The following ANO6 variants were observed in gnomAD, a reference collection of about 807,000 sequenced individuals.
ANO6 encodes anoctamin 6.
A neutral mutation model predicts 117.5 loss-of-function variants in ANO6; 106 were observed. The observed-to-expected ratio is 0.90, with a 90% CI of 0.77 to 1.06. The LOEUF (loss-of-function observed/expected upper bound fraction) is 1.06. Ranked by LOEUF, ANO6 falls within the 50% of genes least tolerant of loss-of-function variation. The probability of loss-of-function intolerance (pLI) is 0.00; values close to 1 mark genes in which losing one functional copy is unlikely to be tolerated. For synonymous variants in ANO6, 367 were observed against 385.1 expected (o/e 0.95, Z 0.55); for missense variants, 955 against 1,121.1 (o/e 0.85, Z 2.12).
intron 1 of ANO6, among the ~76,000 whole-genome samples, chr12:45,301,807 C>T (rs180856398): frequency 1.9e-4 from 29 of 152,300 alleles, no homozygotes; most frequent in Admixed American, 5.9e-4. Context: ...TAGTGTTCTA[C>T]AACCCTGGCA....
chr12:45,360,843 G>GTT (rs1375283828), intron 8 of ANO6, among the ~76,000 whole-genome samples: 1 of 152,120 alleles, frequency 6.6e-6, no homozygotes, highest in Non-Finnish European at 1.5e-5. Context: ...TGAAAAGACT[G>GTT]TTCTCTGTTT....
chr12:45,425,612 C>A (rs1943482625), intron 19 of ANO6, among the ~76,000 whole-genome samples: 1 of 152,142 alleles, frequency 6.6e-6, no homozygotes, highest in African/African-American at 2.4e-5. Context: ...TAGCTATAAA[C>A]CTTAAATTAC....
chr12:45,323,151 T>C (rs1233845023), intron 2 of ANO6, among the ~76,000 whole-genome samples: 1 of 152,176 alleles, frequency 6.6e-6, no homozygotes, highest in African/African-American at 2.4e-5. Context: ...AAGGGGAGAA[T>C]ACAATTTAAT....
chr12:45,388,466 G>A (rs1344886991), intron 11 of ANO6, among the ~76,000 whole-genome samples, 163 bp downstream of exon 11: 2 of 152,110 alleles, frequency 1.3e-5, no homozygotes, highest in African/African-American at 4.8e-5. Flanking sequence ...TCTGAGCACA[G>A]GGGTTTTTTT....
intron 1 of ANO6, among the ~76,000 whole-genome samples, chr12:45,236,068 A>G (rs75712006): frequency 0.022 from 3,331 of 152,332 alleles, 65 homozygotes; most frequent in East Asian, 0.068. Context: ...TTACAGGTGC[A>G]TGCATAGGCA....
At chr12:45,354,130 G>T (rs1418121735) in intron 7 of ANO6, among the ~76,000 whole-genome samples, 1 of 152,166 alleles carries the variant, frequency 6.6e-6, no homozygotes, top group Non-Finnish European at 1.5e-5. Context: ...GGTGGAAAGA[G>T]CCTGCTGAGT....
intron 1 of ANO6, among the ~76,000 whole-genome samples, chr12:45,228,462 A>G (rs1341081440): frequency 6.6e-6 from 1 of 152,022 alleles, no homozygotes; most frequent in Non-Finnish European, 1.5e-5. Context: ...TAAAGTATGC[A>G]TGCTCCTTTG....
chr12:45,261,957 G>A (rs58992779), intron 1 of ANO6, among the ~76,000 whole-genome samples: 1,591 of 152,306 alleles, frequency 0.01, 31 homozygotes, highest in African/African-American at 0.036. Context: ...CAAATGATAT[G>A]CAGTATACAA....
intron 1 of ANO6, 127 bp from the exon 2 acceptor site, chr12:45,301,887 T>G: frequency 1.3e-6 from 1 of 782,518 alleles, no homozygotes; most frequent in Non-Finnish European, 2.2e-6. Flanking sequence ...CTGAAAGGGT[T>G]AAATAATATA....
intron 1 of ANO6, among the ~76,000 whole-genome samples, chr12:45,280,833 A>C (rs930441396): frequency 1.4e-4 from 21 of 152,084 alleles, no homozygotes; most frequent in African/African-American, 5.1e-4. Context: ...ATGCATATAC[A>C]TTGTGTGCAT....
chr12:45,291,221 C>T (rs1441975175), intron 1 of ANO6, among the ~76,000 whole-genome samples: 1 of 151,844 alleles, frequency 6.6e-6, no homozygotes, highest in Admixed American at 6.6e-5. Context: ...TGGTGCATGC[C>T]TGTAATCCCA....
intron 1 of ANO6, among the ~76,000 whole-genome samples, chr12:45,284,634 C>T (rs1403636409): frequency 6.6e-6 from 1 of 152,234 alleles, no homozygotes; most frequent in Non-Finnish European, 1.5e-5. Flanking sequence ...TTGCAGGCAT[C>T]TGTTCTCCCC....
chr12:45,294,850 A>G (rs553821653), intron 1 of ANO6, among the ~76,000 whole-genome samples: 46 of 152,342 alleles, frequency 3.0e-4, no homozygotes, highest in Admixed American at 1.2e-3. Flanking sequence ...GTCAAGATAG[A>G]AGTCAGAAGG....
chr12:45,306,785 C>T (rs1300997654), intron 2 of ANO6, among the ~76,000 whole-genome samples: 3 of 150,316 alleles, frequency 2.0e-5, no homozygotes, highest in Non-Finnish European at 2.9e-5. Context: ...AAAACACAAA[C>T]GTCAGATAAT....
chr12:45,432,334 T>G lies in ANO6; in HGVS notation c.*3023T>G. 2 of 856,194 alleles carry G rather than the reference T, an allele frequency of 2.3e-6. No individual in the cohort carries two copies. Among genetic ancestry groups the G allele is most frequent in the Non-Finnish European group, 2.8e-6 (2 of 713,450 alleles). The allele number at this position is 856,194 out of a possible 1,614,324, so 53.0% of individuals were successfully genotyped here. On this transcript the variant is annotated 3_prime_UTR_variant, in exon 20 of 20. Coordinates refer to ENST00000320560, the MANE Select transcript of ANO6 (RefSeq NM_001025356.3). ...TATAATTATGAGCATTTTAATAAATTCATTTTTACAAACAATAGTATGGTC... is the reference window on the plus strand; with the variant it reads ...TATAATTATGAGCATTTTAATAAATGCATTTTTACAAACAATAGTATGGTC...
intron 2 of ANO6, among the ~76,000 whole-genome samples, chr12:45,330,352 A>C (rs1306067340): frequency 6.6e-6 from 1 of 152,192 alleles, no homozygotes; most frequent in African/African-American, 2.4e-5. Context: ...AATTAATCAC[A>C]TTTAATGAAC....
chr12:45,274,663 T>C (rs1040332418), intron 1 of ANO6, among the ~76,000 whole-genome samples: 13 of 151,676 alleles, frequency 8.6e-5, no homozygotes, highest in Admixed American at 2.0e-4. Flanking sequence ...CAGTATAAAA[T>C]TCAAACTCTT....
At chr12:45,310,303 C>T (rs1939807394) in intron 2 of ANO6, among the ~76,000 whole-genome samples, 1 of 152,118 alleles carries the variant, frequency 6.6e-6, no homozygotes, top group Non-Finnish European at 1.5e-5. Context: ...CAATTTAACT[C>T]AGAAGGCTAA....
intron 11 of ANO6, among the ~76,000 whole-genome samples, chr12:45,389,180 C>G (rs1054169594): frequency 3.9e-5 from 6 of 152,108 alleles, no homozygotes; most frequent in African/African-American, 7.2e-5. Flanking sequence ...TAAAAGGAAC[C>G]AGAGGGAACA....
Sources: gnomAD v4.1 joint callset for allele counts (sites outside exome capture counted in the v4.1 genomes callset) on GRCh38, gnomAD v4.1.1 for gene constraint, MANE v1.5 for transcripts, NCBI Gene and HGNC (gene_info 2026-07-23, HGNC 2026-07-21) for gene names.